AKAP6: variants seen among roughly 807,000 people sequenced by gnomAD.
AKAP6 encodes A-kinase anchor protein 6.
Under a neutral mutation model 188.5 loss-of-function variants are expected in AKAP6, and 58 were observed. The observed-to-expected ratio is 0.31, with a 90% CI of 0.25 to 0.38. The LOEUF (loss-of-function observed/expected upper bound fraction) is 0.38, where lower values mean the gene tolerates loss of function less well. AKAP6 is among the 10% of genes least tolerant of loss of function. AKAP6 has a pLI of 1.00. For missense variants in AKAP6, 2,710 were observed against 2,740.0 expected (o/e 0.99, Z 0.24); for synonymous variants, 989 against 998.6 (o/e 0.99, Z 0.18).
At position 32,467,555 on chromosome 14, in the gene AKAP6, G is replaced by A. The variant is rs140482190; in HGVS notation, c.324+33738G>A. 9.9e-3 allele frequency among the ~76,000 whole-genome samples: 1,513 copies of A among 152,182 alleles called. 8 individuals carry two copies. Among genetic ancestry groups the A allele is most frequent in the East Asian group, 0.021 (110 of 5,174 alleles). Reference sequence around the variant, plus strand: ...ACAAGAAACAGAATCTTAGAGAGGTGATGATTTGCCCCAGGACATGGAACT... The same window carrying A: ...ACAAGAAACAGAATCTTAGAGAGGTAATGATTTGCCCCAGGACATGGAACT... On this transcript the variant is annotated intron_variant, in intron 2 of 13. Transcript: ENST00000280979.
intron 2 of AKAP6, among the ~76,000 whole-genome samples, chr14:32,525,851 C>T (rs1263274560): frequency 6.6e-6 from 1 of 152,092 alleles, no homozygotes; most frequent in Non-Finnish European, 1.5e-5. Context: ...TAGAAAGATA[C>T]AGTCTAGTTA....
chr14:32,356,128 T>C (rs1887476385), intron 1 of AKAP6, among the ~76,000 whole-genome samples: 1 of 152,192 alleles, frequency 6.6e-6, no homozygotes, highest in Non-Finnish European at 1.5e-5. Context: ...AATTGTTTCC[T>C]GTATTAATAA....
At chr14:32,456,520 C>T (rs1377938555) in intron 2 of AKAP6, among the ~76,000 whole-genome samples, 2 of 152,118 alleles carry the variant, frequency 1.3e-5, no homozygotes, top group South Asian at 2.1e-4. Context: ...TATCAAATAA[C>T]AAAAATATTT....
intron 1 of AKAP6, among the ~76,000 whole-genome samples, chr14:32,353,713 C>A (rs10143272): frequency 6.6e-6 from 1 of 151,800 alleles, no homozygotes; most frequent in Non-Finnish European, 1.5e-5. Context: ...AAAACCCCAT[C>A]ATCTCAGCCC....
intron 9 of AKAP6, among the ~76,000 whole-genome samples, chr14:32,719,135 A>T (rs958330311): frequency 1.3e-5 from 2 of 151,118 alleles, no homozygotes; most frequent in Non-Finnish European, 3.0e-5. Context: ...AGATGTGAAA[A>T]CCCTTTGAAA....
At chr14:32,569,872 C>T (rs1884394703) in intron 4 of AKAP6, among the ~76,000 whole-genome samples, 1 of 152,118 alleles carries the variant, frequency 6.6e-6, no homozygotes, top group Admixed American at 6.5e-5. Context: ...TAAAGATAGG[C>T]TCCAAAGAAT....
chr14:32,803,725 A>T (rs1466499410), intron 12 of AKAP6, among the ~76,000 whole-genome samples: 1 of 152,198 alleles, frequency 6.6e-6, no homozygotes, highest in Non-Finnish European at 1.5e-5. Context: ...ACTCATGCCC[A>T]TAACTTCAAG....
intron 1 of AKAP6, among the ~76,000 whole-genome samples, chr14:32,394,112 A>C (rs1888798864): frequency 6.6e-6 from 1 of 152,178 alleles, no homozygotes; most frequent in South Asian, 2.1e-4. Context: ...TGAAATTGAC[A>C]ACTGGCATTA....
At chr14:32,570,926 C>T (rs566059425) in intron 4 of AKAP6, among the ~76,000 whole-genome samples, 15 of 152,288 alleles carry the variant, frequency 9.8e-5, no homozygotes, top group South Asian at 4.1e-4. Flanking sequence ...TGATTTCATA[C>T]GGTGCCAGTG....
At chr14:32,487,611 G>A (rs1879774030) in intron 2 of AKAP6, among the ~76,000 whole-genome samples, 1 of 152,338 alleles carries the variant, frequency 6.6e-6, no homozygotes, top group Non-Finnish European at 1.5e-5. Context: ...ATCCTTTGGA[G>A]GAGAGAGACA....
At chr14:32,507,969 C>T (rs942563819) in intron 2 of AKAP6, among the ~76,000 whole-genome samples, 1 of 152,178 alleles carries the variant, frequency 6.6e-6, no homozygotes, top group Non-Finnish European at 1.5e-5. Flanking sequence ...AAGCCATGGC[C>T]TGCAAGCCCA....
Position 32,527,964 on chromosome 14 carries a change from T to C in AKAP6, c.325-7590T>C, listed in dbSNP as rs542274916. Among the ~76,000 whole-genome samples the C allele has an allele frequency of 5.3e-5, 8 of 152,358 alleles. No individual in the cohort carries two copies. The East Asian group carries it at 1.2e-3, about 22-fold the overall frequency. On this transcript the variant is annotated intron_variant, in intron 2 of 13. Transcript: ENST00000280979. ...ATATTTAATTTTAATGAAGTCAGCT[T>C]ATTAATTCTTTCATAGATTGTGCCT...
intron 4 of AKAP6, among the ~76,000 whole-genome samples, chr14:32,567,473 A>C (rs1594749300): frequency 6.6e-6 from 1 of 152,296 alleles, no homozygotes; most frequent in East Asian, 1.9e-4. Flanking sequence ...TCTGGTAGAA[A>C]GTTGGCCGTA....
intron 2 of AKAP6, among the ~76,000 whole-genome samples, chr14:32,435,694 A>G (rs1264372538): frequency 2.0e-5 from 3 of 152,200 alleles, no homozygotes; most frequent in Non-Finnish European, 4.4e-5. Context: ...TAAGGGGATA[A>G]ATATAAATTG....
chr14:32,416,820 G>A (rs1356487325), intron 1 of AKAP6, among the ~76,000 whole-genome samples: 2 of 151,626 alleles, frequency 1.3e-5, no homozygotes, highest in Non-Finnish European at 2.9e-5. Context: ...CTCACAAAGT[G>A]TATTTTTTCT....
chr14:32,400,031 A>G (rs1382593030), intron 1 of AKAP6, among the ~76,000 whole-genome samples: 1 of 152,102 alleles, frequency 6.6e-6, no homozygotes, highest in Non-Finnish European at 1.5e-5. Context: ...CCAGGACCTC[A>G]GCAATGACAT....
chr14:32,434,633 C>T (rs1890324585), intron 2 of AKAP6, among the ~76,000 whole-genome samples: 1 of 152,214 alleles, frequency 6.6e-6, no homozygotes, highest in Non-Finnish European at 1.5e-5. Context: ...TTAGAAGTAA[C>T]ACTAAGGAAA....
rs1221364293 is a variant in AKAP6, at chr14:32,821,414, G to C, written c.3601G>C (p.Val1201Leu). The change falls in exon 13 of 14, where the codon GTG becomes CTG. Residue 1201 changes from valine to leucine, a missense_variant. Physicochemically the swap from Val to Leu is conservative, Grantham distance 32. Transcript: ENST00000280979. ...KMGKESETLN[V>L]IDPGLMDLNG... is the part of the protein sequence containing the mutation. Reference sequence around the variant, plus strand: ...TTCTCTCACACAGGAGACTTTGAATGTGATTGATCCTGGCTTGATGGACCT... The same window carrying C: ...TTCTCTCACACAGGAGACTTTGAATCTGATTGATCCTGGCTTGATGGACCT... The C allele has an allele frequency of 2.5e-6, 4 of 1,603,716 alleles. No individual in the cohort carries two copies.
At chr14:32,443,323 A>G (rs947087655) in intron 2 of AKAP6, among the ~76,000 whole-genome samples, 1 of 151,748 alleles carries the variant, frequency 6.6e-6, no homozygotes, top group Non-Finnish European at 1.5e-5. Flanking sequence ...AACTTGAGAG[A>G]TGGAGGTTGC....
Sources: gnomAD v4.1 joint callset for allele counts (sites outside exome capture counted in the v4.1 genomes callset) on GRCh38, gnomAD v4.1.1 for gene constraint, MANE v1.5 for transcripts, NCBI Gene and HGNC (gene_info 2026-07-23, HGNC 2026-07-21) for gene names.